SPNS2: variants seen among roughly 807,000 people sequenced by gnomAD.
SPNS2 encodes the protein sphingosine-1-phosphate transporter SPNS2.
In SPNS2, 37 loss-of-function variants were observed where a neutral mutation model predicts 57.6. The ratio of observed to expected loss-of-function variants is 0.64; its 90% CI spans 0.49 to 0.85. SPNS2 has a LOEUF of 0.85. Among genes scored for constraint, SPNS2 ranks in the 40% least tolerant of loss-of-function variants. The pLI, the probability that SPNS2 is intolerant of heterozygous loss-of-function variation, is 0.00. For missense variants in SPNS2, 831 were observed against 779.1 expected (o/e 1.07, Z -0.79); for synonymous variants, 440 against 346.9 (o/e 1.27, Z -2.98).
intron 4 of SPNS2, 39 bp from the exon 5 acceptor site, chr17:4,531,014 C>A: frequency 6.2e-7 from 1 of 1,610,380 alleles, no homozygotes; most frequent in Middle Eastern, 1.7e-4. Flanking sequence ...TCCCCAGCCC[C>A]TGTCTCTGCT....
At chr17:4,520,382 A>AATGGAGC (rs1420629215) in intron 2 of SPNS2, among the ~76,000 whole-genome samples, 2 of 152,038 alleles carry the variant, frequency 1.3e-5, no homozygotes, top group African/African-American at 4.8e-5. Flanking sequence ...AAGAGGAGAG[A>AATGGAGC]ATGGAGCATG....
chr17:4,521,517 G>A (rs1215894901), intron 2 of SPNS2, among the ~76,000 whole-genome samples: 3 of 152,224 alleles, frequency 2.0e-5, no homozygotes, highest in Non-Finnish European at 1.5e-5. Flanking sequence ...ACCCACCCTG[G>A]AGAGCTGCTA....
intron 2 of SPNS2, among the ~76,000 whole-genome samples, chr17:4,516,974 G>A (rs753972779): frequency 6.6e-6 from 1 of 152,156 alleles, no homozygotes; most frequent in Non-Finnish European, 1.5e-5. Context: ...TGAGAATGGC[G>A]CAACGAACTT....
chr17:4,519,612 C>CCCACACCT (rs1905089236), intron 2 of SPNS2, among the ~76,000 whole-genome samples: 1 of 334 alleles, frequency 3.0e-3, no homozygotes, highest in African/African-American at 8.3e-3. Flanking sequence ...TCAGCACACC[C>CCCACACCT]TCCACAGGAT....
In SPNS2 at chr17:4,532,696, G is replaced by A. The variant is rs373984186; in HGVS notation, c.935+12G>A. On this transcript the variant is annotated intron_variant, in intron 6 of 12. Coordinates refer to ENST00000329078, the MANE Select transcript of SPNS2 (RefSeq NM_001124758.3). ...GCCCTGATTCGAAAGTGAGTACCGC[G>A]GGAAGGGGTCTGGTGGGAAGAGAGA... 4.5e-5 allele frequency: 73 copies of A among 1,612,764 alleles called. No individual in the cohort carries two copies. The highest frequency in any genetic ancestry group is 5.6e-5 in the Non-Finnish European group (66 of 1,179,360).
At chr17:4,528,174 C>T (rs1050919321) in intron 3 of SPNS2, among the ~76,000 whole-genome samples, 5 of 151,910 alleles carry the variant, frequency 3.3e-5, no homozygotes, top group Non-Finnish European at 7.4e-5. Flanking sequence ...AGGCACGCGC[C>T]ACCACACCCA....
At chr17:4,507,097 G>GTGGC (rs1904701711) in intron 1 of SPNS2, among the ~76,000 whole-genome samples, 1 of 152,224 alleles carries the variant, frequency 6.6e-6, no homozygotes, top group African/African-American at 2.4e-5. Context: ...GGGCCGGGCT[G>GTGGC]TGGGTTCCCA....
intron 3 of SPNS2, among the ~76,000 whole-genome samples, chr17:4,529,247 A>T (rs970594822): frequency 6.7e-6 from 1 of 149,152 alleles, no homozygotes; most frequent in African/African-American, 2.5e-5. Flanking sequence ...TTTTTATCTT[A>T]TTTTTAAATT....
chr17:4,533,929 C>T (rs555171118), intron 9 of SPNS2, 76 bp downstream of exon 9: 57 of 634,384 alleles, frequency 9.0e-5, no homozygotes, highest in South Asian at 4.0e-4. Context: ...CTGGGGAGGG[C>T]GGGTGAAGGG....
chr17:4,500,066 A>C (rs1222870829), intron 1 of SPNS2, among the ~76,000 whole-genome samples: 5 of 152,074 alleles, frequency 3.3e-5, no homozygotes, highest in Non-Finnish European at 7.4e-5. Context: ...CTGGCCCTGT[A>C]CAGAGGCCTG....
In SPNS2 at chr17:4,537,954, C is replaced by T. The variant is rs1174636370; in HGVS notation, c.*506C>T. 2.7e-6 allele frequency: 1 copy of T among 376,158 alleles called. No individual in the cohort carries two copies. The highest frequency in any genetic ancestry group is 2.1e-5 in the African/African-American group (1 of 47,710). The allele number at this position is 376,158 out of a possible 1,614,324, so 23.3% of individuals were successfully genotyped here. On this transcript the variant is annotated 3_prime_UTR_variant, in exon 13 of 13. Transcript: ENST00000329078. ...CCCGGCTTTGAGGCTCACGCGAGGG[C>T]CTGGTATGCAGGGACCACTGCTCAG...
Position 4,512,732 on chromosome 17 carries a change from G to A in SPNS2, c.371-515G>A, listed in dbSNP as rs1034743885. 6.6e-6 allele frequency among the ~76,000 whole-genome samples: 1 copy of A among 151,258 alleles called. No individual in the cohort carries two copies. Among genetic ancestry groups the A allele is most frequent in the Non-Finnish European group, 1.5e-5 (1 of 67,958 alleles). Reference sequence around the variant, plus strand: ...CACACACGTGCGTGCGTGTGCAGGTGTGTGTGTGCATGTACAGGTGTGTGC... The same window carrying A: ...CACACACGTGCGTGCGTGTGCAGGTATGTGTGTGCATGTACAGGTGTGTGC... On this transcript the variant is annotated intron_variant, in intron 1 of 12. Coordinates refer to ENST00000329078, the MANE Select transcript of SPNS2 (RefSeq NM_001124758.3). The surrounding 1 kb of genome is among the most constrained non-coding windows in gnomAD (Gnocchi z 5.2).
rs376044459 is a variant in SPNS2 at position 4,510,085 on chromosome 17, C to T, written c.371-3162C>T. On this transcript the variant is annotated intron_variant, in intron 1 of 12. Transcript: ENST00000329078. The surrounding 1 kb of genome is among the most constrained non-coding windows in gnomAD (Gnocchi z 4.4). ...CGACCCGCCGAGCTGCTGTGACACA[C>T]GCTTCCCGTGCCAGCGGCCAGCGGG... is the stretch of plus-strand genomic sequence containing the variant. 4.6e-5 allele frequency among the ~76,000 whole-genome samples: 7 copies of T among 152,388 alleles called. 1 individual carries two copies. Among genetic ancestry groups the T allele is most frequent in the Non-Finnish European group, 7.3e-5 (5 of 68,042 alleles).
intron 1 of SPNS2, among the ~76,000 whole-genome samples, chr17:4,505,002 G>A (rs986988434): frequency 2.6e-5 from 4 of 152,182 alleles, no homozygotes; most frequent in Non-Finnish European, 4.4e-5. Flanking sequence ...TCTGCTTCCC[G>A]GGAGCTACAG....
At chr17:4,516,328 AAAAAAAAAAAAAAAAC>A (rs1904989272) in intron 2 of SPNS2, among the ~76,000 whole-genome samples, 1 of 119,266 alleles carries the variant, frequency 8.4e-6, no homozygotes, top group African/African-American at 3.2e-5. Context: ...AAAAAAAAAA[AAAAAAAAAAAAAAAAC>A]AAAAAAACCG....
intron 2 of SPNS2, among the ~76,000 whole-genome samples, chr17:4,516,602 C>CG (rs5818963): frequency 0.47 from 70,982 of 152,098 alleles, 18,262 homozygotes; most frequent in East Asian, 0.87. Flanking sequence ...GGCCGGTGGC[C>CG]GCGGAGAACA....
intron 2 of SPNS2, among the ~76,000 whole-genome samples, chr17:4,521,134 C>T (rs1905128502): frequency 6.6e-6 from 1 of 152,154 alleles, no homozygotes; most frequent in Non-Finnish European, 1.5e-5. Context: ...TGGTGGTTCC[C>T]CAACATAGGT....
intron 2 of SPNS2, among the ~76,000 whole-genome samples, chr17:4,513,526 C>G (rs1904907154): frequency 6.6e-6 from 1 of 152,190 alleles, no homozygotes; most frequent in Non-Finnish European, 1.5e-5. Context: ...ATGAATAATA[C>G]CTGCCCTGAG....
At chr17:4,533,473 C>G in intron 8 of SPNS2, 41 bp downstream of exon 8, 1 of 1,548,046 alleles carries the variant, frequency 6.5e-7, no homozygotes, top group Non-Finnish European at 8.7e-7. Flanking sequence ...GGAGCTGGGC[C>G]TGGGCCGCGG....
Sources: allele counts gnomAD v4.1 joint callset (sites outside exome capture counted in the v4.1 genomes callset), GRCh38; gene constraint gnomAD v4.1.1; non-coding constraint Gnocchi (gnomAD v3.1); transcripts MANE v1.5; gene names NCBI Gene and HGNC (gene_info 2026-07-23, HGNC 2026-07-21).